Variants in LTF observed in about 807,000 individuals in gnomAD.
LTF encodes lactotransferrin.
Under a neutral mutation model 87.2 loss-of-function variants are expected in LTF, and 91 were observed. The observed-to-expected ratio is 1.04, with a 90% confidence interval of 0.88 to 1.24. The LOEUF (loss-of-function observed/expected upper bound fraction) is 1.24. LTF is among the 50% of genes most tolerant of loss of function. LTF has a pLI of 0.00. For missense variants in LTF, 901 were observed against 904.3 expected (o/e 1.00, Z 0.05); for synonymous variants, 378 against 356.1 (o/e 1.06, Z -0.69).
chr3:46,479,693 T>C (rs1703407686), intron 1 of LTF, among the ~76,000 whole-genome samples: 1 of 152,116 alleles, frequency 6.6e-6, no homozygotes, highest in African/African-American at 2.4e-5. Flanking sequence ...CTGGCTAATT[T>C]TTGTATTTTT....
At position 46,446,464 on chromosome 3, in the gene LTF, T is replaced by C. The variant is rs1189503013; in HGVS notation, c.1333A>G (p.Asn445Asp). The change falls in exon 11 of 17, where the codon AAC (asparagine) becomes GAC (aspartate). Residue 445 changes from asparagine to aspartate, a missense_variant. Asn to Asp is a conservative substitution (Grantham distance 23, BLOSUM62 1). Transcript: ENST00000231751. The stretch of plus-strand genomic sequence containing the variant: ...CCTTCCACAGGTCTATCCACACAGT[T>C]AGGATCAGGGTCACTGCTTTGTTGG... ...KSQQSSDPDP[N>D]CVDRPVEGYL... is the part of the protein sequence containing the mutation. 8.7e-6 allele frequency: 14 copies of C among 1,613,758 alleles called. No individual in the cohort carries two copies. Among genetic ancestry groups the C allele is most frequent in the South Asian group, 4.4e-5 (4 of 91,016 alleles).
chr3:46,450,061 T>C (rs755040970), intron 7 of LTF, 33 bp from the exon 8 acceptor site: 50 of 1,510,948 alleles, frequency 3.3e-5, no homozygotes, highest in Middle Eastern at 3.6e-4. Context: ...ATGGTGTCAA[T>C]GGTAAATAGG....
intron 1 of LTF, among the ~76,000 whole-genome samples, chr3:46,475,978 C>T (rs1703355490): frequency 6.6e-6 from 1 of 152,184 alleles, no homozygotes. Flanking sequence ...TTCCTTCATT[C>T]AACATTCTGC....
At chr3:46,462,310 CCAAA>C (rs1703101656) in intron 1 of LTF, among the ~76,000 whole-genome samples, 1 of 151,826 alleles carries the variant, frequency 6.6e-6, no homozygotes, top group Admixed American at 6.6e-5. Flanking sequence ...AGAACAAATA[CCAAA>C]CAAATACCAG....
chr3:46,460,459 C>T lies in LTF; in HGVS notation c.44-640G>A, dbSNP rs568493907. 1.5e-3 allele frequency: 642 copies of T among 424,440 alleles called. 5 individuals carry two copies. Among genetic ancestry groups the T allele is most frequent in the South Asian group, 4.7e-3 (275 of 58,220 alleles). The allele number at this position is 424,440 out of a possible 1,614,324, so 26.3% of individuals were successfully genotyped here. A position where few individuals can be genotyped will look rare whatever the true frequency, so the allele number is the denominator to read the frequency against. ...CACTCTGCACAGAAAGACTGGTGCT[C>T]CTGTTGAGCCTGCTTTTTTTGCTCA... On this transcript the variant is annotated intron_variant, in intron 1 of 16. Transcript: ENST00000231751.
intron 1 of LTF, chr3:46,463,741 C>T: frequency 1.3e-6 from 1 of 759,588 alleles, no homozygotes; most frequent in Non-Finnish European, 1.6e-6. Context: ...TGGCCCTAAC[C>T]CTGTGCAACA....
intron 11 of LTF, among the ~76,000 whole-genome samples, chr3:46,446,070 G>A (rs1453983215): frequency 2.0e-5 from 3 of 152,250 alleles, no homozygotes; most frequent in East Asian, 1.9e-4. Context: ...CCCAGGTCAC[G>A]AGGACCCGGG....
At chr3:46,456,998 A>G (rs1327207262) in intron 2 of LTF, among the ~76,000 whole-genome samples, 1 of 152,190 alleles carries the variant, frequency 6.6e-6, no homozygotes, top group Non-Finnish European at 1.5e-5. Context: ...TCTCATAGGG[A>G]GTGCAACCTA....
At chr3:46,473,366 G>T (rs1393557505) in intron 1 of LTF, among the ~76,000 whole-genome samples, 1 of 152,184 alleles carries the variant, frequency 6.6e-6, no homozygotes, top group Non-Finnish European at 1.5e-5. Context: ...CAGCCTAGAA[G>T]TTCCACCAGC....
intron 12 of LTF, among the ~76,000 whole-genome samples, 188 bp downstream of exon 12, chr3:46,445,093 G>A (rs183876889): frequency 1.0e-3 from 155 of 152,294 alleles, no homozygotes; most frequent in Middle Eastern, 3.4e-3. Context: ...GGGAAGTGCT[G>A]TGCAGGGAAA....
intron 1 of LTF, 135 bp downstream of exon 1, chr3:46,464,690 C>T (rs908427041): frequency 7.6e-6 from 7 of 922,960 alleles, no homozygotes; most frequent in East Asian, 2.5e-5. Context: ...GGCCGCCTCC[C>T]GGCTGTAGGC....
intron 1 of LTF, among the ~76,000 whole-genome samples, chr3:46,480,865 T>C (rs942056485): frequency 6.6e-6 from 1 of 152,146 alleles, no homozygotes; most frequent in African/African-American, 2.4e-5. Context: ...TTCCTCAAAC[T>C]AGGCATCTGC....
At chr3:46,467,983 C>T (rs1335394595), upstream of LTF, among the ~76,000 whole-genome samples, 1 of 152,210 alleles carries the variant, frequency 6.6e-6, no homozygotes, top group East Asian at 1.9e-4. Flanking sequence ...CAACCCTGAA[C>T]CTTTTCTCAT....
exon 1 of LTF, chr3:46,485,233 G>C (rs1364963454): frequency 6.6e-6 from 1 of 152,140 alleles, no homozygotes; most frequent in Non-Finnish European, 1.5e-5. Context: ...TGAAGGCCAC[G>C]TCACCGTCCA....
intron 1 of LTF, among the ~76,000 whole-genome samples, chr3:46,482,659 A>AAGGAAGGAAGGAAG (rs1703458846): frequency 1.7e-5 from 1 of 60,204 alleles, no homozygotes; most frequent in African/African-American, 6.5e-5. Context: ...AAAGAAAGAA[A>AAGGAAGGAAGGAAG]GAAGGAAGGA....
At chr3:46,475,741 A>C (rs1489873840) in intron 1 of LTF, among the ~76,000 whole-genome samples, 1 of 152,232 alleles carries the variant, frequency 6.6e-6, no homozygotes, top group Non-Finnish European at 1.5e-5. Flanking sequence ...TATAAAACAT[A>C]AATGTACAAT....
intron 5 of LTF, among the ~76,000 whole-genome samples, chr3:46,454,607 A>G (rs1292411887): frequency 6.6e-6 from 1 of 152,202 alleles, no homozygotes; most frequent in Non-Finnish European, 1.5e-5. Flanking sequence ...ACTTTTTTCT[A>G]TATAAAGGAG....
At chr3:46,446,553 A>G in intron 10 of LTF, 60 bp from the exon 11 acceptor site, 6 of 1,428,316 alleles carry the variant, frequency 4.2e-6, no homozygotes, top group Non-Finnish European at 5.9e-6. Context: ...AGAAGCCACA[A>G]ACTCTTAAAT....
At chr3:46,477,470 G>T (rs1459266067) in intron 1 of LTF, among the ~76,000 whole-genome samples, 1 of 152,202 alleles carries the variant, frequency 6.6e-6, no homozygotes, top group African/African-American at 2.4e-5. Flanking sequence ...TGATGAGAGT[G>T]GTTAAACATC....
Sources: allele counts gnomAD v4.1 joint callset (sites outside exome capture counted in the v4.1 genomes callset), GRCh38; gene constraint gnomAD v4.1.1; transcripts MANE v1.5; gene names NCBI Gene and HGNC (gene_info 2026-07-23, HGNC 2026-07-21).